The following KIAA1217 variants were observed in gnomAD, a reference collection of about 807,000 sequenced individuals.
The protein encoded by KIAA1217 is sickle tail protein homolog.
Under a neutral mutation model 163.9 loss-of-function variants are expected in KIAA1217, and 88 were observed. The ratio of observed to expected loss-of-function variants is 0.54; its 90% confidence interval spans 0.45 to 0.64. The LOEUF is 0.64. KIAA1217 is among the 30% of genes least tolerant of loss of function. The pLI, the probability that KIAA1217 is intolerant of heterozygous loss-of-function variation, is 0.00. For synonymous variants in KIAA1217, 903 were observed against 923.1 expected, an observed-to-expected ratio of 0.98 and a Z score of 0.39; for missense variants, 2,372 against 2,475.0, an observed-to-expected ratio of 0.96 and a Z score of 0.88.
At chr10:24,317,659 A>T (rs2043570411) in intron 2 of KIAA1217, among the ~76,000 whole-genome samples, 1 of 152,202 alleles carries the variant, frequency 6.6e-6, no homozygotes, top group African/African-American at 2.4e-5. Flanking sequence ...TATGTAGAAT[A>T]TGCATGTCTG....
intron 2 of KIAA1217, among the ~76,000 whole-genome samples, chr10:24,195,672 A>G (rs1431034955): frequency 6.6e-6 from 1 of 152,146 alleles, no homozygotes; most frequent in Non-Finnish European, 1.5e-5. Flanking sequence ...ACTGAATGAG[A>G]ATTGTTTTTA....
At chr10:23,746,885 G>A (rs1010911180) in intron 1 of KIAA1217, among the ~76,000 whole-genome samples, 4 of 152,136 alleles carry the variant, frequency 2.6e-5, no homozygotes, top group African/African-American at 9.7e-5. Flanking sequence ...CAAGGTAAAG[G>A]GTTAATGGGA....
chr10:24,507,465 A>T (rs1433590838), intron 9 of KIAA1217, among the ~76,000 whole-genome samples: 1 of 152,222 alleles, frequency 6.6e-6, no homozygotes, highest in East Asian at 1.9e-4. Flanking sequence ...GAAATGGAAG[A>T]TATAAAAAAT....
chr10:24,112,932 G>A (rs567414675), intron 2 of KIAA1217, among the ~76,000 whole-genome samples: 1 of 152,062 alleles, frequency 6.6e-6, no homozygotes, highest in South Asian at 2.1e-4. Context: ...AGACACAGGA[G>A]AATGCCATGT....
chr10:24,087,908 C>G (rs983873617), intron 2 of KIAA1217, among the ~76,000 whole-genome samples: 2 of 132,162 alleles, frequency 1.5e-5, no homozygotes, highest in African/African-American at 4.9e-5. Flanking sequence ...CAGATCAGAG[C>G]TGTGGTGGCC....
intron 1 of KIAA1217, among the ~76,000 whole-genome samples, chr10:23,931,283 G>A (rs1016851472): frequency 1.3e-5 from 2 of 152,124 alleles, no homozygotes; most frequent in Non-Finnish European, 2.9e-5. Context: ...GAGCCCCAGA[G>A]GGAAAGAGTG....
At chr10:24,280,103 A>T (rs1337950900) in intron 2 of KIAA1217, among the ~76,000 whole-genome samples, 1 of 152,178 alleles carries the variant, frequency 6.6e-6, no homozygotes, top group Non-Finnish European at 1.5e-5. Context: ...TTTATCCTTA[A>T]TCATTGATGC....
intron 1 of KIAA1217, among the ~76,000 whole-genome samples, chr10:23,813,144 G>C (rs1837152424): frequency 6.6e-6 from 1 of 152,108 alleles, no homozygotes; most frequent in African/African-American, 2.4e-5. Flanking sequence ...TGTGTGTTAA[G>C]TGCTATCTCC....
chr10:24,157,246 C>T (rs1052589590), intron 2 of KIAA1217, among the ~76,000 whole-genome samples: 19 of 152,142 alleles, frequency 1.2e-4, no homozygotes, highest in African/African-American at 4.3e-4. Context: ...CCTTAATGAA[C>T]AATTTTGTTG....
chr10:24,508,305 A>G (rs2068634437), intron 9 of KIAA1217, among the ~76,000 whole-genome samples: 1 of 152,198 alleles, frequency 6.6e-6, no homozygotes, highest in Non-Finnish European at 1.5e-5. Context: ...TTTAGCATCA[A>G]TGATAAAAAC....
Position 23,924,414 on chromosome 10 carries a change from A to AT in KIAA1217, c.-320-82810dup, listed in dbSNP as rs1249064277. Among the ~76,000 whole-genome samples, 13 of 152,328 alleles carry AT rather than the reference A, an allele frequency of 8.5e-5. No individual in the cohort carries two copies. The East Asian group carries it at 2.5e-3, about 29-fold the overall frequency. ...TGGAAGTGAATTTTAAGTCTTCTCTATAAGAAGAAAATGTAGGATTTTTAA... is the reference window on the plus strand; with the variant it reads ...TGGAAGTGAATTTTAAGTCTTCTCTATTAAGAAGAAAATGTAGGATTTTTAA... On this transcript the variant is annotated intron_variant, in intron 1 of 18. Coordinates refer to the KIAA1217 transcript ENST00000376462.
chr10:23,997,128 C>A (rs1028623502), intron 1 of KIAA1217, among the ~76,000 whole-genome samples: 3 of 152,150 alleles, frequency 2.0e-5, no homozygotes, highest in African/African-American at 7.2e-5. Context: ...ACTGTTTGTG[C>A]TTTTAGTGTT....
At chr10:24,224,320 T>C (rs1013036634) in intron 2 of KIAA1217, among the ~76,000 whole-genome samples, 9 of 152,026 alleles carry the variant, frequency 5.9e-5, no homozygotes, top group African/African-American at 2.2e-4. Context: ...GCTAATAGCT[T>C]AATCTTTCTT....
intron 2 of KIAA1217, among the ~76,000 whole-genome samples, chr10:24,269,944 T>C (rs1328613904): frequency 5.3e-5 from 8 of 152,166 alleles, no homozygotes. Flanking sequence ...TCTAGTCTCT[T>C]CCCACTACCA....
chr10:24,526,251 G>A (rs1016377010), intron 13 of KIAA1217, among the ~76,000 whole-genome samples: 1 of 151,956 alleles, frequency 6.6e-6, no homozygotes, highest in African/African-American at 2.4e-5. Context: ...CGCAGCCTCG[G>A]GGCCTCTGAA....
At chr10:24,418,654 A>G (rs60984241) in intron 3 of KIAA1217, among the ~76,000 whole-genome samples, 2,020 of 152,344 alleles carry the variant, frequency 0.013, 39 homozygotes, top group African/African-American at 0.044. Context: ...ACTAAAGTCC[A>G]TAATCTCTGC....
intron 1 of KIAA1217, among the ~76,000 whole-genome samples, chr10:23,943,340 A>G (rs997211947): frequency 1.7e-4 from 26 of 152,244 alleles, no homozygotes; most frequent in African/African-American, 2.9e-4. Flanking sequence ...TCAATTGTAT[A>G]TTTATACAGT....
chr10:24,170,993 A>G (rs980409955), intron 2 of KIAA1217, among the ~76,000 whole-genome samples: 4 of 152,240 alleles, frequency 2.6e-5, no homozygotes, highest in African/African-American at 9.6e-5. Flanking sequence ...GTTGTTTTCT[A>G]AACACTCTAT....
chr10:24,527,155 C>T (rs1029995105), intron 13 of KIAA1217, among the ~76,000 whole-genome samples: 70 of 152,018 alleles, frequency 4.6e-4, no homozygotes, highest in African/African-American at 1.6e-3. Flanking sequence ...AATAATACCT[C>T]CTCCCTCATT....
Sources: allele counts gnomAD v4.1 joint callset (sites outside exome capture counted in the v4.1 genomes callset), GRCh38; gene constraint gnomAD v4.1.1; transcripts MANE v1.5; gene names NCBI Gene and HGNC (gene_info 2026-07-23, HGNC 2026-07-21).